Variants in TRHDE observed in about 807,000 individuals in gnomAD.
The protein encoded by TRHDE is thyrotropin-releasing hormone-degrading ectoenzyme.
In TRHDE, 72 loss-of-function variants were observed where a neutral mutation model predicts 125.7. That is an observed-to-expected ratio of 0.57 (90% CI 0.47 to 0.70). The LOEUF (loss-of-function observed/expected upper bound fraction) is 0.70, where lower values mean the gene tolerates loss of function less well. TRHDE is among the 30% of genes least tolerant of loss of function. The probability of loss-of-function intolerance (pLI) is 0.00; values close to 1 mark genes in which losing one functional copy is unlikely to be tolerated. For missense variants in TRHDE, 1,110 were observed against 1,327.1 expected (o/e 0.84, Z 2.54); for synonymous variants, 509 against 509.1 (o/e 1.00, Z 0.00).
intron 2 of TRHDE, among the ~76,000 whole-genome samples, chr12:72,239,938 G>C (rs578062217): frequency 2.0e-5 from 3 of 152,244 alleles, no homozygotes; most frequent in African/African-American, 7.2e-5. Context: ...TTTTAATAGT[G>C]CTTCTTTTCT....
chr12:72,346,325 T>C (rs1207511103), intron 2 of TRHDE, among the ~76,000 whole-genome samples: 1 of 152,020 alleles, frequency 6.6e-6, no homozygotes, highest in East Asian at 1.9e-4. Context: ...AGACCTTTAC[T>C]CAGGTCCGTC....
At position 72,529,848 on chromosome 12, in the gene TRHDE, C is replaced by T. The variant is rs570773181; in HGVS notation, c.1723-12443C>T. ...CCCTCCTCACTCTCATCTGATTACT[C>T]TGCTTTTATTTCACTAAAATATTAG... On this transcript the variant is annotated intron_variant, in intron 6 of 18. Coordinates refer to ENST00000261180, the MANE Select transcript of TRHDE (RefSeq NM_013381.3). Among the ~76,000 whole-genome samples the T allele has an allele frequency of 2.6e-5, 4 of 152,290 alleles. No individual in the cohort carries two copies. In the South Asian group the frequency reaches 6.2e-4, roughly 24 times the overall value.
chr12:72,322,775 A>C (rs1315142938), intron 2 of TRHDE, among the ~76,000 whole-genome samples: 3 of 152,148 alleles, frequency 2.0e-5, no homozygotes, highest in Non-Finnish European at 4.4e-5. Context: ...ATACCTCACA[A>C]ACTCAGTGCT....
At chr12:72,171,992 C>T (rs1391805052) in intron 2 of TRHDE, among the ~76,000 whole-genome samples, 1 of 152,072 alleles carries the variant, frequency 6.6e-6, no homozygotes, top group African/African-American at 2.4e-5. Context: ...ATGCTTTCTC[C>T]CAAAACCTAA....
At chr12:72,425,188 G>A (rs1171089306) in intron 3 of TRHDE, among the ~76,000 whole-genome samples, 1 of 152,116 alleles carries the variant, frequency 6.6e-6, no homozygotes, top group Admixed American at 6.6e-5. Context: ...GGGTAGCACA[G>A]AAAATGTTGG....
At chr12:72,244,358 G>A (rs902391290) in intron 2 of TRHDE, among the ~76,000 whole-genome samples, 6 of 152,032 alleles carry the variant, frequency 3.9e-5, no homozygotes, top group Non-Finnish European at 7.4e-5. Flanking sequence ...ATTTAACAAC[G>A]CTGTTTGTAA....
chr12:72,644,889 A>G (rs1874217773), intron 15 of TRHDE, among the ~76,000 whole-genome samples: 1 of 152,066 alleles, frequency 6.6e-6, no homozygotes, highest in African/African-American at 2.4e-5. Context: ...GACTGTTAAG[A>G]CACTGCAGCT....
At chr12:72,407,083 G>GT (rs915394901) in intron 3 of TRHDE, among the ~76,000 whole-genome samples, 4 of 151,972 alleles carry the variant, frequency 2.6e-5, no homozygotes, top group East Asian at 1.9e-4. Context: ...TGTCACAAAG[G>GT]TTTTTTTTCA....
intron 3 of TRHDE, among the ~76,000 whole-genome samples, chr12:72,387,401 A>C (rs1230216621): frequency 6.6e-6 from 1 of 152,038 alleles, no homozygotes; most frequent in Non-Finnish European, 1.5e-5. Context: ...TAGTATTCGC[A>C]TTCCAACCAC....
At chr12:72,133,600 A>T (rs996402447) in intron 2 of TRHDE, among the ~76,000 whole-genome samples, 1 of 152,224 alleles carries the variant, frequency 6.6e-6, no homozygotes, top group Admixed American at 6.5e-5. Flanking sequence ...CTAAAATTAC[A>T]TTAACATCAC....
chr12:72,436,013 A>C (rs1030353271), intron 3 of TRHDE, among the ~76,000 whole-genome samples: 17 of 152,062 alleles, frequency 1.1e-4, no homozygotes, highest in Non-Finnish European at 2.4e-4. Context: ...TTTTACACTA[A>C]ATGAAAATAT....
chr12:72,383,621 C>T (rs1872283473), intron 3 of TRHDE, among the ~76,000 whole-genome samples: 1 of 151,972 alleles, frequency 6.6e-6, no homozygotes. Context: ...AGGTGATCCA[C>T]CTGCCTTGGC....
At chr12:72,288,030 A>G (rs1051604594) in intron 2 of TRHDE, among the ~76,000 whole-genome samples, 4 of 152,102 alleles carry the variant, frequency 2.6e-5, no homozygotes, top group African/African-American at 7.2e-5. Flanking sequence ...AAACGTAAGC[A>G]AATGGTAGAG....
chr12:72,531,483 C>G (rs1347881592), intron 6 of TRHDE, among the ~76,000 whole-genome samples: 1 of 151,880 alleles, frequency 6.6e-6, no homozygotes, highest in Non-Finnish European at 1.5e-5. Context: ...TGTACATTTT[C>G]TCCTTTATAC....
At position 72,357,587 on chromosome 12, in the gene TRHDE, A is replaced by G. The variant is rs1870879042; in HGVS notation, c.1189-20408A>G. On this transcript the variant is annotated intron_variant, in intron 2 of 18. Transcript: ENST00000261180. ...TAATATTTCAGTGTATACATGCTAC[A>G]GTTTCTTTATGCATTCATCCATTGA... Among the ~76,000 whole-genome samples, 4 of 151,544 alleles carry G rather than the reference A, an allele frequency of 2.6e-5. No individual in the cohort carries two copies. The South Asian group carries it at 8.3e-4, about 31-fold the overall frequency.
chr12:72,222,982 G>A (rs1878031382), intron 2 of TRHDE, among the ~76,000 whole-genome samples: 1 of 151,938 alleles, frequency 6.6e-6, no homozygotes, highest in Admixed American at 6.6e-5. Context: ...TTTATCAAAG[G>A]GTGGCTGATA....
intron 2 of TRHDE, among the ~76,000 whole-genome samples, chr12:72,339,960 C>T (rs1015363604): frequency 5.6e-4 from 86 of 152,284 alleles, no homozygotes; most frequent in Admixed American, 5.5e-3. Context: ...CTTCTTACCT[C>T]GATTTGTGAC....
At chr12:72,613,870 G>A (rs1872714917) in intron 12 of TRHDE, among the ~76,000 whole-genome samples, 1 of 152,116 alleles carries the variant, frequency 6.6e-6, no homozygotes. Flanking sequence ...ATGTGAGACT[G>A]TGTAATTTAT....
At chr12:72,331,681 G>C (rs1166619046) in intron 2 of TRHDE, among the ~76,000 whole-genome samples, 1 of 152,162 alleles carries the variant, frequency 6.6e-6, no homozygotes, top group African/African-American at 2.4e-5. Context: ...TGAGTTGTGG[G>C]GCACTCTACG....
Sources: gnomAD v4.1 joint callset for allele counts (sites outside exome capture counted in the v4.1 genomes callset) on GRCh38, gnomAD v4.1.1 for gene constraint, MANE v1.5 for transcripts, NCBI Gene and HGNC (gene_info 2026-07-23, HGNC 2026-07-21) for gene names.